The following MFHAS1 variants were observed in gnomAD, a reference collection of about 807,000 sequenced individuals.
The protein encoded by MFHAS1 is multifunctional ROCO family signaling regulator 1.
A neutral mutation model predicts 70.4 loss-of-function variants in MFHAS1; 50 were observed. The observed-to-expected ratio is 0.71, with a 90% confidence interval of 0.57 to 0.90. The LOEUF (loss-of-function observed/expected upper bound fraction) is 0.90. Ranked by LOEUF, MFHAS1 falls within the 40% of genes least tolerant of loss-of-function variation. The probability of loss-of-function intolerance (pLI) is 0.00; values close to 1 mark genes in which losing one functional copy is unlikely to be tolerated. For synonymous variants in MFHAS1, 952 were observed against 620.0 expected, an observed-to-expected ratio of 1.54 and a Z score of -7.96; for missense variants, 1,795 against 1,347.6, an observed-to-expected ratio of 1.33 and a Z score of -5.20.
intron 1 of MFHAS1, among the ~76,000 whole-genome samples, chr8:8,867,237 C>T (rs1001270729): frequency 6.6e-6 from 1 of 152,194 alleles, no homozygotes; most frequent in Admixed American, 6.5e-5. Context: ...TGGTCATCAG[C>T]ATATGCAAAC....
intron 1 of MFHAS1, among the ~76,000 whole-genome samples, chr8:8,806,277 G>T (rs17631052): frequency 1.3e-5 from 2 of 152,088 alleles, no homozygotes; most frequent in Non-Finnish European, 2.9e-5. Flanking sequence ...ACAACACTGG[G>T]ATGAGAGGCC....
intron 1 of MFHAS1, among the ~76,000 whole-genome samples, chr8:8,868,795 G>A (rs897068890): frequency 2.6e-5 from 4 of 152,066 alleles, no homozygotes; most frequent in African/African-American, 7.2e-5. Context: ...TCCACCCATA[G>A]TCATCGCTAC....
chr8:8,787,773 CAG>C (rs1805600375), intron 2 of MFHAS1, among the ~76,000 whole-genome samples: 2 of 152,208 alleles, frequency 1.3e-5, no homozygotes, highest in African/African-American at 4.8e-5. Context: ...CTGAATCTGA[CAG>C]ACCTTCAGAA....
chr8:8,890,559 T>G lies in MFHAS1; in HGVS notation c.2500A>C (p.Asn834His), dbSNP rs1809958501. The G allele has an allele frequency of 4.3e-6, 7 of 1,613,542 alleles. No homozygotes were observed. The East Asian group carries it at 1.6e-4, about 36-fold the overall frequency. ...TTCAAAGGCTTGCCCTTGGGTTTAT[T>G]GAGGCAGTAACAGAGTCCCATCTTC... ...LEKMGLCYCL[N>H]KPKGKPLNGS... is the part of the protein sequence containing the mutation. The change falls in exon 1 of 3, where the codon AAT becomes CAT. Residue 834 changes from asparagine (N) to histidine (H), a missense_variant. Asn to His is a moderately conservative substitution (Grantham distance 68). Transcript: ENST00000276282.
At chr8:8,852,993 G>A (rs958027498) in intron 1 of MFHAS1, among the ~76,000 whole-genome samples, 1 of 152,056 alleles carries the variant, frequency 6.6e-6, no homozygotes, top group African/African-American at 2.4e-5. Flanking sequence ...TGGGAAGGTG[G>A]CCTAAAAAAC....
chr8:8,888,970 T>C (rs1358308634), intron 1 of MFHAS1, among the ~76,000 whole-genome samples: 4 of 144,756 alleles, frequency 2.8e-5, no homozygotes, highest in African/African-American at 1.0e-4. Context: ...GAAATCTCTG[T>C]ACCTTCTGTT....
At chr8:8,820,377 A>T (rs916060709) in intron 1 of MFHAS1, among the ~76,000 whole-genome samples, 13 of 151,658 alleles carry the variant, frequency 8.6e-5, no homozygotes, top group Non-Finnish European at 1.8e-4. Context: ...TTTTGTGTTG[A>T]TTTCTTTTCT....
chr8:8,879,118 GC>G (rs1809408693), intron 1 of MFHAS1, among the ~76,000 whole-genome samples: 1 of 152,108 alleles, frequency 6.6e-6, no homozygotes, highest in African/African-American at 2.4e-5. Context: ...GGAGGCCGAG[GC>G]AGGAGGATCA....
At chr8:8,855,632 G>T (rs1186362975) in intron 1 of MFHAS1, among the ~76,000 whole-genome samples, 1 of 152,234 alleles carries the variant, frequency 6.6e-6, no homozygotes, top group South Asian at 2.1e-4. Context: ...GAGGCGGGTG[G>T]ATTACTTGAG....
rs765780162 is a variant in MFHAS1, at chr8:8,890,791, G to C, written c.2268C>G (p.Thr756=). The part of the protein sequence containing the change: ...SLLLHKLLLG[T]SGEGKAEGES... The stretch of plus-strand genomic sequence containing the variant: ...CCCCCTCCGCCTTGCCCTCTCCACT[G>C]GTCCCTAGGAGCAGCTTATGCAGCA... The change falls in exon 1 of 3, where the codon ACC becomes ACG. Residue 756 remains threonine (T), a synonymous_variant. Coordinates refer to ENST00000276282, the MANE Select transcript of MFHAS1 (RefSeq NM_004225.3). 6.2e-7 allele frequency: 1 copy of C among 1,614,140 alleles called. No homozygotes were observed. The highest frequency in any genetic ancestry group is 8.5e-7 in the Non-Finnish European group (1 of 1,180,012).
chr8:8,886,018 T>G (rs1302425278), intron 1 of MFHAS1, among the ~76,000 whole-genome samples: 1 of 152,232 alleles, frequency 6.6e-6, no homozygotes, highest in Non-Finnish European at 1.5e-5. Flanking sequence ...CAAAAGAATC[T>G]CCTGTCACTC....
At chr8:8,790,850 G>A (rs1282679837) in intron 2 of MFHAS1, among the ~76,000 whole-genome samples, 1 of 152,120 alleles carries the variant, frequency 6.6e-6, no homozygotes, top group African/African-American at 2.4e-5. Context: ...ACTGCAACTG[G>A]TCTTAAATGT....
At chr8:8,837,042 G>C (rs762795759) in intron 1 of MFHAS1, among the ~76,000 whole-genome samples, 25 of 152,206 alleles carry the variant, frequency 1.6e-4, no homozygotes, top group African/African-American at 5.8e-4. Context: ...ATTGGGACGT[G>C]CAATGGCGGA....
At position 8,890,748 on chromosome 8, in the gene MFHAS1, C is replaced by A. The variant is rs1346518311; in HGVS notation, c.2311G>T (p.Ala771Ser). Residue 771 changes from alanine (A) to serine (S), a missense_variant, in exon 1 of 3, where the codon GCG (alanine) becomes TCG (serine). Physicochemically the swap from Ala to Ser is moderately conservative, Grantham distance 99 (BLOSUM62 1). Transcript: ENST00000276282. Reference protein sequence around the residue: ...KAEGESSPPMARSTPSQELLR... With the variant: ...KAEGESSPPMSRSTPSQELLR... ...AGTTCCTGGCTGGGGGTGGACCGCG[C>A]CATGGGCGGGGAGCTTTCCCCCTCC... 6.2e-7 allele frequency: 1 copy of A among 1,613,716 alleles called. No individual in the cohort carries two copies. Among genetic ancestry groups the A allele is most frequent in the East Asian group, 2.2e-5 (1 of 44,884 alleles).
chr8:8,792,652 T>G (rs1303137731), intron 2 of MFHAS1, among the ~76,000 whole-genome samples: 2 of 152,154 alleles, frequency 1.3e-5, no homozygotes, highest in African/African-American at 4.8e-5. Flanking sequence ...ACTGACTGCA[T>G]GAACTAGGTG....
At chr8:8,847,985 A>C (rs1052933743) in intron 1 of MFHAS1, among the ~76,000 whole-genome samples, 3 of 152,206 alleles carry the variant, frequency 2.0e-5, no homozygotes, top group African/African-American at 7.2e-5. Context: ...CACTATCCAA[A>C]CATCCTTCCC....
intron 2 of MFHAS1, among the ~76,000 whole-genome samples, chr8:8,796,263 G>A (rs1805890166): frequency 6.6e-6 from 1 of 152,120 alleles, no homozygotes; most frequent in Non-Finnish European, 1.5e-5. Flanking sequence ...TTGATTTTCA[G>A]GGACTGACTC....
intron 1 of MFHAS1, among the ~76,000 whole-genome samples, chr8:8,804,346 G>A (rs904956671): frequency 5.3e-5 from 8 of 152,072 alleles, no homozygotes; most frequent in African/African-American, 1.9e-4. Flanking sequence ...GGCATTTGTG[G>A]AATTCTCAAG....
rs939507574 is a variant in MFHAS1, at chr8:8,849,680, T to C, written c.2998+40381A>G. 6.6e-5 allele frequency among the ~76,000 whole-genome samples: 10 copies of C among 152,218 alleles called. 1 individual carries two copies. Among genetic ancestry groups the C allele is most frequent in the Admixed American group, 6.5e-4 (10 of 15,280 alleles). ...ATGAGCAGTCCAAGTGGACACTTCA[T>C]TGTGGTCAAGGGAAACTATGCTTTT... On this transcript the variant is annotated intron_variant, in intron 1 of 2. Coordinates refer to ENST00000276282, the MANE Select transcript of MFHAS1 (RefSeq NM_004225.3).
Sources: gnomAD v4.1 joint callset for allele counts (sites outside exome capture counted in the v4.1 genomes callset) on GRCh38, gnomAD v4.1.1 for gene constraint, MANE v1.5 for transcripts, NCBI Gene and HGNC (gene_info 2026-07-23, HGNC 2026-07-21) for gene names.